Variants in AKAP13 observed in about 807,000 individuals in gnomAD.
AKAP13 encodes the protein A-kinase anchor protein 13.
Under a neutral mutation model 264.5 loss-of-function variants are expected in AKAP13, and 80 were observed. That is an observed-to-expected ratio of 0.30 (90% CI 0.25 to 0.36). The LOEUF (loss-of-function observed/expected upper bound fraction) is 0.36, where lower values mean the gene tolerates loss of function less well. AKAP13 is among the 10% of genes least tolerant of loss of function. The pLI is 1.00. For missense variants in AKAP13, 3,712 were observed against 3,435.2 expected (o/e 1.08, Z -2.01); for synonymous variants, 1,380 against 1,250.2 (o/e 1.10, Z -2.19).
At position 85,741,271 on chromosome 15, in the gene AKAP13, C is replaced by A. The variant is rs779487413; in HGVS notation, c.7834C>A (p.Leu2612Met). 20 of 1,609,882 alleles carry A rather than the reference C, an allele frequency of 1.2e-5. No individual in the cohort carries two copies. In the African/African-American group the frequency reaches 1.7e-4, roughly 14 times the overall value. ...TGAGTGGGAAGCTCGTGAGAGGGAG[C>A]TGCGGGAGCGGGAGGCCCTCCTGGC... ...EREWEARERE[L>M]REREALLAQR... Residue 2612 changes from leucine (L) to methionine (M), a missense_variant, in exon 35 of 37, where the codon CTG becomes ATG. Leu to Met is a conservative substitution (Grantham distance 15). Coordinates refer to ENST00000394518, the MANE Select transcript of AKAP13 (RefSeq NM_007200.5).
intron 6 of AKAP13, among the ~76,000 whole-genome samples, chr15:85,576,327 A>G (rs1335230755): frequency 2.0e-5 from 3 of 152,208 alleles, no homozygotes. Context: ...TGGCGATGAT[A>G]TGTACCATTT....
At chr15:85,684,665 T>A (rs2084795731) in intron 15 of AKAP13, 76 bp from the exon 16 acceptor site, 7 of 1,478,508 alleles carry the variant, frequency 4.7e-6, no homozygotes, top group Non-Finnish European at 6.4e-6. Context: ...AGCCTTCATC[T>A]ACCTTTTATT....
chr15:85,527,533 G>A (rs913107453), intron 3 of AKAP13, among the ~76,000 whole-genome samples: 1 of 152,206 alleles, frequency 6.6e-6, no homozygotes, highest in African/African-American at 2.4e-5. Context: ...GGAAGAAAAG[G>A]CTGAGAAACA....
intron 5 of AKAP13, chr15:85,555,397 A>T: frequency 7.8e-7 from 1 of 1,284,042 alleles, no homozygotes; most frequent in Non-Finnish European, 1.0e-6. Context: ...AGGAGGGGTA[A>T]CCAGGCTGCT....
chr15:85,624,553 A>T (rs2081326806), intron 8 of AKAP13: 1 of 152,262 alleles, frequency 6.6e-6, no homozygotes, highest in African/African-American at 2.4e-5. Flanking sequence ...CCACTCAGAT[A>T]CTGTCCAATT....
intron 5 of AKAP13, among the ~76,000 whole-genome samples, chr15:85,566,626 CTTT>C (rs35129066): frequency 2.2e-5 from 3 of 135,280 alleles, no homozygotes; most frequent in Admixed American, 7.4e-5. Flanking sequence ...AAATAACTTA[CTTT>C]TTTTTTTTTT....
intron 1 of AKAP13, among the ~76,000 whole-genome samples, chr15:85,471,886 C>T (rs2074973748): frequency 1.3e-5 from 2 of 152,164 alleles, no homozygotes; most frequent in African/African-American, 2.4e-5. Context: ...TTATGAAAGA[C>T]TACTGGTGTT....
intron 8 of AKAP13, among the ~76,000 whole-genome samples, chr15:85,588,611 ATGACT>A (rs1390736124): frequency 6.6e-6 from 1 of 152,204 alleles, no homozygotes; most frequent in Non-Finnish European, 1.5e-5. Context: ...AAAACAAAAC[ATGACT>A]TAAAGAAAAG....
intron 1 of AKAP13, among the ~76,000 whole-genome samples, chr15:85,435,367 A>G (rs1207208195): frequency 1.6e-5 from 2 of 126,728 alleles, no homozygotes; most frequent in Admixed American, 1.7e-4. Context: ...GAAGGGGAGA[A>G]TGGAACCAAG....
At chr15:85,527,179 G>A (rs184562392) in intron 3 of AKAP13, among the ~76,000 whole-genome samples, 5 of 152,212 alleles carry the variant, frequency 3.3e-5, no homozygotes, top group Admixed American at 2.6e-4. Context: ...TAGCCAGGAT[G>A]GTCTTGATCT....
At chr15:85,584,003 C>T (rs2079231054) in intron 7 of AKAP13, among the ~76,000 whole-genome samples, 1 of 152,072 alleles carries the variant, frequency 6.6e-6, no homozygotes, top group South Asian at 2.1e-4. Context: ...AGAAAGTAGC[C>T]AGTCATGAAG....
intron 2 of AKAP13, among the ~76,000 whole-genome samples, chr15:85,503,553 C>G (rs1265942461): frequency 6.6e-6 from 1 of 152,176 alleles, no homozygotes; most frequent in African/African-American, 2.4e-5. Flanking sequence ...GGTGATTCAA[C>G]TTGACCTGCT....
chr15:85,506,139 C>A (rs1387366109), intron 2 of AKAP13, among the ~76,000 whole-genome samples: 2 of 152,042 alleles, frequency 1.3e-5, no homozygotes, highest in African/African-American at 4.8e-5. Flanking sequence ...TCTACTAATA[C>A]AGAAAAATTA....
chr15:85,392,977 A>T (rs1466597235), intron 1 of AKAP13, among the ~76,000 whole-genome samples: 3 of 152,128 alleles, frequency 2.0e-5, no homozygotes, highest in African/African-American at 7.2e-5. Flanking sequence ...GGGGCTTTTG[A>T]CAAATTTGGC....
chr15:85,390,027 T>G (rs2070775905), intron 1 of AKAP13: 1 of 152,258 alleles, frequency 6.6e-6, no homozygotes, highest in African/African-American at 2.4e-5. Flanking sequence ...ACTATGCAGC[T>G]TTAGGTAAGT....
At chr15:85,728,693 CAA>C (rs1479474798) in intron 29 of AKAP13, among the ~76,000 whole-genome samples, 1 of 152,008 alleles carries the variant, frequency 6.6e-6, no homozygotes, top group Non-Finnish European at 1.5e-5. Context: ...TCTCAGCACA[CAA>C]GAGTGGTTAT....
chr15:85,442,516 ATAT>A (rs1355934188), intron 1 of AKAP13, among the ~76,000 whole-genome samples: 18 of 111,052 alleles, frequency 1.6e-4, no homozygotes, highest in Middle Eastern at 4.0e-3. Context: ...TATATAATAT[ATAT>A]TATATTATAT....
At chr15:85,712,457 TTTTC>T (rs2086680815) in intron 19 of AKAP13, among the ~76,000 whole-genome samples, 1 of 152,188 alleles carries the variant, frequency 6.6e-6, no homozygotes, top group Admixed American at 6.5e-5. Context: ...CAGAAGTCTG[TTTTC>T]TTTCTTATTT....
chr15:85,532,752 T>A (rs1034580807), intron 3 of AKAP13, among the ~76,000 whole-genome samples: 1 of 152,236 alleles, frequency 6.6e-6, no homozygotes, highest in Non-Finnish European at 1.5e-5. Flanking sequence ...ACACGTGGTG[T>A]TAAATCTTGC....
Sources: gnomAD v4.1 joint callset for allele counts (sites outside exome capture counted in the v4.1 genomes callset) on GRCh38, gnomAD v4.1.1 for gene constraint, MANE v1.5 for transcripts, NCBI Gene and HGNC (gene_info 2026-07-23, HGNC 2026-07-21) for gene names.